RABGEF1: variants seen among roughly 807,000 people sequenced by gnomAD.
RABGEF1 encodes rab5 GDP/GTP exchange factor.
A neutral mutation model predicts 57.3 loss-of-function variants in RABGEF1; 26 were observed. The observed-to-expected ratio is 0.45, with a 90% CI of 0.33 to 0.63. The LOEUF (loss-of-function observed/expected upper bound fraction) is 0.63, where lower values mean the gene tolerates loss of function less well. Among genes scored for constraint, RABGEF1 ranks in the 20% least tolerant of loss-of-function variants. The pLI, the probability that RABGEF1 is intolerant of heterozygous loss-of-function variation, is 0.02. For synonymous variants in RABGEF1, 185 were observed against 210.7 expected (o/e 0.88, Z 1.06); for missense variants, 464 against 607.6 (o/e 0.76, Z 2.48).
intron 1 of RABGEF1, among the ~76,000 whole-genome samples, chr7:66,745,495 G>A (rs1171248803): frequency 1.3e-5 from 2 of 152,030 alleles, no homozygotes; most frequent in Non-Finnish European, 2.9e-5. Context: ...GGCTGGGTGC[G>A]GTGGCTCACA....
At chr7:66,771,560 G>GT (rs915737880) in intron 1 of RABGEF1, among the ~76,000 whole-genome samples, 1 of 151,936 alleles carries the variant, frequency 6.6e-6, no homozygotes, top group Non-Finnish European at 1.5e-5. Flanking sequence ...TTTCCCCTAA[G>GT]TTTTTTTTCT....
chr7:66,690,379 G>A (rs1175374774), intron 1 of RABGEF1, among the ~76,000 whole-genome samples: 7 of 149,576 alleles, frequency 4.7e-5, no homozygotes, highest in South Asian at 2.1e-4. Flanking sequence ...GATTACAGGC[G>A]TGAGCCATCG....
intron 4 of RABGEF1, among the ~76,000 whole-genome samples, chr7:66,787,971 CT>C (rs1360461368): frequency 6.6e-6 from 1 of 152,200 alleles, no homozygotes; most frequent in Admixed American, 6.5e-5. Context: ...AATAAAACTT[CT>C]GGAAAAACTC....
the RABGEF1 span, among the ~76,000 whole-genome samples, chr7:66,657,602 C>T: frequency 2.7e-3 from 413 of 152,296 alleles, 6 homozygotes; most frequent in African/African-American, 8.6e-3. Flanking sequence ...GGGAGGATCC[C>T]CTGAGGTCAG....
At chr7:66,751,666 A>G (rs1400783317) in intron 1 of RABGEF1, among the ~76,000 whole-genome samples, 1 of 152,118 alleles carries the variant, frequency 6.6e-6, no homozygotes. Context: ...TAAGACTTTC[A>G]GCTGATAGTC....
At chr7:66,738,004 T>G (rs1798209103), upstream of RABGEF1, among the ~76,000 whole-genome samples, 1 of 140,984 alleles carries the variant, frequency 7.1e-6, no homozygotes, top group South Asian at 2.4e-4. Flanking sequence ...GCTTCTTGGT[T>G]GTGTTTTTTG....
At chr7:66,706,567 G>T (rs1020257978) in intron 1 of RABGEF1, among the ~76,000 whole-genome samples, 1 of 150,676 alleles carries the variant, frequency 6.6e-6, no homozygotes, top group Non-Finnish European at 1.5e-5. Flanking sequence ...GTGCCACCAC[G>T]CCCGGCTAAT....
intron 3 of RABGEF1, among the ~76,000 whole-genome samples, chr7:66,777,522 C>T (rs1457229427): frequency 6.6e-6 from 1 of 152,004 alleles, no homozygotes; most frequent in African/African-American, 2.4e-5. Context: ...TATTTGCTAA[C>T]TCTCCTTGGT....
chr7:66,770,398 C>T (rs540912765), intron 1 of RABGEF1: 5 of 152,148 alleles, frequency 3.3e-5, no homozygotes, highest in Non-Finnish European at 7.4e-5. Context: ...ATTTACCATA[C>T]AGCTGTGAGA....
At chr7:66,748,617 G>C (rs1278581548) in intron 1 of RABGEF1, among the ~76,000 whole-genome samples, 2 of 152,166 alleles carry the variant, frequency 1.3e-5, no homozygotes, top group Non-Finnish European at 2.9e-5. Flanking sequence ...ATAACGGCTA[G>C]TTCAAGGGTG....
At chr7:66,731,564 A>T (rs778848440) in intron 2 of RABGEF1, among the ~76,000 whole-genome samples, 7 of 152,110 alleles carry the variant, frequency 4.6e-5, no homozygotes, top group Non-Finnish European at 8.8e-5. Context: ...AGAAAAAAAA[A>T]AAATTAGCTG....
chr7:66,733,740 C>T (rs1160112686), intron 2 of RABGEF1, among the ~76,000 whole-genome samples: 1 of 151,834 alleles, frequency 6.6e-6, no homozygotes, highest in Non-Finnish European at 1.5e-5. Flanking sequence ...AGGCCAGGTG[C>T]GCCTATAATC....
chr7:66,744,296 G>A (rs543710793), intron 1 of RABGEF1, among the ~76,000 whole-genome samples: 1 of 151,342 alleles, frequency 6.6e-6, no homozygotes, highest in Non-Finnish European at 1.5e-5. Flanking sequence ...ACTTTGGGAG[G>A]CCAAAGTGGG....
At chr7:66,762,756 G>A (rs1329851315) in intron 1 of RABGEF1, among the ~76,000 whole-genome samples, 1 of 152,092 alleles carries the variant, frequency 6.6e-6, no homozygotes, top group Non-Finnish European at 1.5e-5. Flanking sequence ...AATAGGACAT[G>A]GAGAAATGGC....
chr7:66,658,896 C>T, the RABGEF1 span, among the ~76,000 whole-genome samples: 67 of 151,958 alleles, frequency 4.4e-4, no homozygotes, highest in African/African-American at 1.4e-3. Context: ...CCACAACGCC[C>T]GGCTAATTTT....
chr7:66,661,066 T>C, the RABGEF1 span, among the ~76,000 whole-genome samples: 1 of 152,114 alleles, frequency 6.6e-6, no homozygotes, highest in East Asian at 1.9e-4. Flanking sequence ...CCCCAGCACT[T>C]TGGGAGGCCA....
At chr7:66,729,138 T>C (rs1423146429) in intron 2 of RABGEF1, among the ~76,000 whole-genome samples, 1 of 151,698 alleles carries the variant, frequency 6.6e-6, no homozygotes. Flanking sequence ...TTTTAGTAGA[T>C]ATGGGGTTTC....
chr7:66,805,254 C>T lies in RABGEF1; in HGVS notation c.935C>T (p.Ala312Val). ...IKITKNEPAS[A>V]DDFLPTLIYI... ...ATCACCAAGAATGAGCCGGCGTCAG[C>T]GGATGACTTCCTCCCCACCCTCATC... Residue 312 changes from alanine (A) to valine (V), a missense_variant, in exon 8 of 9, where the codon GCG (alanine) becomes GTG (valine). This residue lies in a region of RABGEF1 where 284 missense variants were observed against 389.9 expected (regional missense o/e 0.73). Coordinates refer to ENST00000284957, the MANE Select transcript of RABGEF1 (RefSeq NM_014504.3). 1.2e-6 allele frequency: 2 copies of T among 1,614,212 alleles called. No homozygotes were observed. Among genetic ancestry groups the T allele is most frequent in the African/African-American group, 1.3e-5 (1 of 75,052 alleles).
rs182370125 is a variant in RABGEF1, at chr7:66,771,847, T to C, written c.-17-36T>C. ...GGTAAGATTTTATTTAGTAGAATGA[T>C]AATTCATTTTCAACAGCACTTTCTT... On this transcript the variant is annotated intron_variant, in intron 1 of 8. Transcript: ENST00000284957. 3.2e-4 allele frequency: 425 copies of C among 1,339,330 alleles called. No homozygotes were observed. The African/African-American group carries it at 6.1e-3, about 19-fold the overall frequency. The allele number at this position is 1,339,330 out of a possible 1,614,324, so 83.0% of individuals were successfully genotyped here.
Sources: gnomAD v4.1 joint callset for allele counts (sites outside exome capture counted in the v4.1 genomes callset) on GRCh38, gnomAD v4.1.1 for gene constraint, gnomAD v4.1.1 regional missense constraint, MANE v1.5 for transcripts, NCBI Gene and HGNC (gene_info 2026-07-23, HGNC 2026-07-21) for gene names.